AGTPBP1: variants seen among roughly 807,000 people sequenced by gnomAD.
AGTPBP1 encodes cytosolic carboxypeptidase 1.
Under a neutral mutation model 143.9 loss-of-function variants are expected in AGTPBP1, and 70 were observed. That is an observed-to-expected ratio of 0.49 (90% CI 0.40 to 0.59). AGTPBP1 has a LOEUF of 0.59. AGTPBP1 is among the 20% of genes least tolerant of loss of function. The probability of loss-of-function intolerance (pLI) is 0.00; values close to 1 mark genes in which losing one functional copy is unlikely to be tolerated. For synonymous variants in AGTPBP1, 463 were observed against 500.2 expected, an observed-to-expected ratio of 0.93 and a Z score of 0.99; for missense variants, 1,229 against 1,464.5, an observed-to-expected ratio of 0.84 and a Z score of 2.62.
the AGTPBP1 span, among the ~76,000 whole-genome samples, chr9:85,800,183 C>A: frequency 6.6e-6 from 1 of 152,204 alleles, no homozygotes; most frequent in East Asian, 1.9e-4. Flanking sequence ...TCTGAGTGAA[C>A]CTCTCCAGAA....
intron 11 of AGTPBP1, 137 bp downstream of exon 11, chr9:85,655,002 TTAAC>T (rs1833407032): frequency 2.7e-6 from 2 of 751,938 alleles, no homozygotes; most frequent in Non-Finnish European, 4.0e-6. Context: ...AAAGAAATGC[TTAAC>T]TAAAATAAAA....
At chr9:85,741,719 C>A in intron 1 of AGTPBP1, 56 bp downstream of exon 1, 1 of 1,271,554 alleles carries the variant, frequency 7.9e-7, no homozygotes, top group Non-Finnish European at 9.9e-7. Context: ...TCCCGCGGCC[C>A]GGGGAGAGCA....
rs1237228594 is a variant in AGTPBP1 at position 85,549,359 on chromosome 9, T to C, written c.3504-2073A>G. ...GTAGGAAGAACACAAAATCCATGTG[T>C]TGGGTAGCTGGGCAGGGAAGCACGC... On this transcript the variant is annotated intron_variant, in intron 25 of 25. Transcript: ENST00000357081. Among the ~76,000 whole-genome samples, 5 of 152,222 alleles carry C rather than the reference T, an allele frequency of 3.3e-5. No homozygotes were observed. In the East Asian group the frequency reaches 9.7e-4, roughly 30 times the overall value.
chr9:85,691,536 GGTGTGT>G (rs58713865), intron 3 of AGTPBP1, among the ~76,000 whole-genome samples: 14 of 144,480 alleles, frequency 9.7e-5, no homozygotes, highest in South Asian at 2.2e-4. Flanking sequence ...AAAAAAAGAG[GGTGTGT>G]GTGTGTGTGT....
At chr9:85,767,372 T>G in the AGTPBP1 span, among the ~76,000 whole-genome samples, 1 of 143,844 alleles carries the variant, frequency 7.0e-6, no homozygotes, top group African/African-American at 2.6e-5. Context: ...TTTTTGAGAC[T>G]GAGTCTTGCT....
intron 3 of AGTPBP1, among the ~76,000 whole-genome samples, chr9:85,683,466 A>G (rs918113884): frequency 1.3e-5 from 2 of 152,290 alleles, no homozygotes; most frequent in African/African-American, 4.8e-5. Flanking sequence ...AAAAAAAACT[A>G]TCTTCCTTTG....
chr9:85,750,866 C>T, the AGTPBP1 span, among the ~76,000 whole-genome samples: 8 of 152,188 alleles, frequency 5.3e-5, no homozygotes, highest in African/African-American at 1.4e-4. Flanking sequence ...CTAGGCATTC[C>T]GTCTAGCTTG....
chr9:85,677,682 A>G, intron 5 of AGTPBP1, 100 bp from the exon 6 acceptor site: 1 of 1,056,638 alleles, frequency 9.5e-7, no homozygotes, highest in Middle Eastern at 3.0e-4. Context: ...GCATTCAAGA[A>G]ATGGTTAAAA....
At position 85,590,015 on chromosome 9, in the gene AGTPBP1, G is replaced by A. The variant is rs1040839099; in HGVS notation, c.2569-334C>T. Among the ~76,000 whole-genome samples the A allele has an allele frequency of 5.9e-5, 9 of 152,142 alleles. No individual in the cohort carries two copies. In the South Asian group the frequency reaches 6.2e-4, roughly 11 times the overall value. Reference sequence around the variant, plus strand: ...CTCAGGTCAGGCTTTGCCTCCAAACGAGTTCCAAAAAACCTTTTGGTTTTC... The same window carrying A: ...CTCAGGTCAGGCTTTGCCTCCAAACAAGTTCCAAAAAACCTTTTGGTTTTC... On this transcript the variant is annotated intron_variant, in intron 19 of 25. Transcript: ENST00000357081.
chr9:85,677,448 T>C lies in AGTPBP1; in HGVS notation c.424A>G (p.Ile142Val). Residue 142 changes from isoleucine to valine, a missense_variant, in exon 6 of 26, where the codon ATT becomes GTT. This residue lies in a region of AGTPBP1 where 743 missense variants were observed against 812.2 expected (regional missense o/e 0.91). Coordinates refer to ENST00000357081, the MANE Select transcript of AGTPBP1 (RefSeq NM_001330701.2). ...TGAAATCCCTTACCTTTTGGTCCAA[T>C]CTTTGCAAGAATAGAATGAATCTGT... ...MVQIHSILAK[I>V]GPKDKKFGVK... 1.9e-6 allele frequency: 3 copies of C among 1,606,546 alleles called. No individual in the cohort carries two copies. The highest frequency in any genetic ancestry group is 2.2e-5 in the South Asian group (2 of 89,814).
chr9:85,751,649 C>A, the AGTPBP1 span, among the ~76,000 whole-genome samples: 1 of 152,226 alleles, frequency 6.6e-6, no homozygotes, highest in African/African-American at 2.4e-5. Context: ...GAGTCTCACT[C>A]TGTCACCTAG....
At chr9:85,643,619 A>G (rs924853297) in intron 12 of AGTPBP1, among the ~76,000 whole-genome samples, 1 of 152,194 alleles carries the variant, frequency 6.6e-6, no homozygotes, top group Non-Finnish European at 1.5e-5. Context: ...GGGGGAAAAA[A>G]GTCAGGAGTG....
chr9:85,763,429 T>C, the AGTPBP1 span, among the ~76,000 whole-genome samples: 2 of 151,990 alleles, frequency 1.3e-5, no homozygotes, highest in Non-Finnish European at 2.9e-5. Flanking sequence ...CCTGATAAGT[T>C]TGATCAAATG....
the AGTPBP1 span, chr9:85,773,867 A>G: frequency 6.2e-7 from 1 of 1,605,418 alleles, no homozygotes; most frequent in South Asian, 1.1e-5. Flanking sequence ...CTGAACGGAA[A>G]CAACAATTAT....
chr9:85,749,455 TAA>T, the AGTPBP1 span, among the ~76,000 whole-genome samples: 1 of 152,116 alleles, frequency 6.6e-6, no homozygotes, highest in Non-Finnish European at 1.5e-5. Context: ...CTTACAGTCC[TAA>T]AGGATATTTG....
At position 85,661,309 on chromosome 9, in the gene AGTPBP1, G is replaced by A. The variant is rs190728416; in HGVS notation, c.663-336C>T. 9.9e-4 allele frequency among the ~76,000 whole-genome samples: 151 copies of A among 152,068 alleles called. No individual in the cohort carries two copies. The Middle Eastern group carries it at 0.017, about 17-fold the overall frequency. On this transcript the variant is annotated intron_variant, in intron 8 of 25. Transcript: ENST00000357081. ...GTATCTGACCTGAGAGTTAACAAAG[G>A]AACCACACTATTAAAAATCATACGC...
intron 17 of AGTPBP1, among the ~76,000 whole-genome samples, chr9:85,603,960 G>A (rs1006725681): frequency 3.3e-5 from 5 of 152,148 alleles, no homozygotes; most frequent in African/African-American, 1.2e-4. Flanking sequence ...TGCCAGCTTA[G>A]CTGCAGCAGA....
the AGTPBP1 span, among the ~76,000 whole-genome samples, chr9:85,758,774 TGG>T: frequency 6.6e-6 from 1 of 152,048 alleles, no homozygotes; most frequent in Non-Finnish European, 1.5e-5. Flanking sequence ...ATCCAAGTAA[TGG>T]GAATTCCAGA....
chr9:85,783,738 A>G, the AGTPBP1 span, among the ~76,000 whole-genome samples: 30 of 152,164 alleles, frequency 2.0e-4, no homozygotes, highest in African/African-American at 6.5e-4. Flanking sequence ...AGGTTCAAAC[A>G]ATTCTCCTGC....
Sources: gnomAD v4.1 joint callset for allele counts (sites outside exome capture counted in the v4.1 genomes callset) on GRCh38, gnomAD v4.1.1 for gene constraint, gnomAD v4.1.1 regional missense constraint, MANE v1.5 for transcripts, NCBI Gene and HGNC (gene_info 2026-07-23, HGNC 2026-07-21) for gene names.